The following SCMH1 variants were observed in gnomAD, a reference collection of about 807,000 sequenced individuals.
The protein encoded by SCMH1 is Scm polycomb group protein homolog 1.
In SCMH1, 37 loss-of-function variants were observed where a neutral mutation model predicts 70.8. That is an observed-to-expected ratio of 0.52 (90% confidence interval 0.40 to 0.69). The LOEUF (loss-of-function observed/expected upper bound fraction) is 0.69. SCMH1 is among the 30% of genes least tolerant of loss of function. SCMH1 has a pLI of 0.00. For missense variants in SCMH1, 607 were observed against 827.3 expected (o/e 0.73, Z 3.27); for synonymous variants, 292 against 307.4 (o/e 0.95, Z 0.52).
At chr1:41,205,908 C>T (rs1243963413) in intron 1 of SCMH1, among the ~76,000 whole-genome samples, 1 of 152,190 alleles carries the variant, frequency 6.6e-6, no homozygotes, top group African/African-American at 2.4e-5. Context: ...CAAACAAGGT[C>T]TGGAGTGGAC....
chr1:41,105,304 C>T (rs950734656), intron 8 of SCMH1, among the ~76,000 whole-genome samples: 4 of 151,886 alleles, frequency 2.6e-5, no homozygotes, highest in African/African-American at 7.3e-5. Flanking sequence ...GTCATAGATG[C>T]GAGTAGTATT....
chr1:41,196,351 T>C (rs1481900592), intron 1 of SCMH1, among the ~76,000 whole-genome samples: 5 of 152,194 alleles, frequency 3.3e-5, no homozygotes, highest in Admixed American at 1.3e-4. Flanking sequence ...TAGTACAGTA[T>C]TGGCATAAGG....
At chr1:41,046,278 G>T (rs1477255738) in intron 12 of SCMH1, 129 bp downstream of exon 12, 17 of 696,490 alleles carry the variant, frequency 2.4e-5, no homozygotes, top group Non-Finnish European at 3.9e-5. Context: ...CAAAGGTAAG[G>T]GACAGAAAAG....
rs533902055 is a variant in SCMH1, at chr1:41,136,081, C to T, written c.412+6797G>A. Among the ~76,000 whole-genome samples, 117 of 151,982 alleles carry T rather than the reference C, an allele frequency of 7.7e-4. 1 individual carries two copies. Among genetic ancestry groups the T allele is most frequent in the African/African-American group, 2.6e-3 (109 of 41,462 alleles). Reference sequence around the variant, plus strand: ...ACCTCAGCCTCCCAAGTAGCTGGGACTATGGGCGTGAGCCACCACGCCTGG... The same window carrying T: ...ACCTCAGCCTCCCAAGTAGCTGGGATTATGGGCGTGAGCCACCACGCCTGG... On this transcript the variant is annotated intron_variant, in intron 6 of 14. Transcript: ENST00000337495.
At chr1:41,130,406 T>C (rs1014068540) in intron 6 of SCMH1, among the ~76,000 whole-genome samples, 3 of 152,102 alleles carry the variant, frequency 2.0e-5, no homozygotes, top group Non-Finnish European at 4.4e-5. Flanking sequence ...TTTATGTATG[T>C]TTTTCTTTTG....
At chr1:41,157,098 T>C (rs2148392653) in intron 4 of SCMH1, among the ~76,000 whole-genome samples, 1 of 151,962 alleles carries the variant, frequency 6.6e-6, no homozygotes, top group South Asian at 2.1e-4. Context: ...GGACTACAGG[T>C]GTGCACCACT....
intron 9 of SCMH1, among the ~76,000 whole-genome samples, chr1:41,071,443 A>G (rs1218634613): frequency 6.6e-6 from 1 of 152,156 alleles, no homozygotes; most frequent in African/African-American, 2.4e-5. Context: ...CAGTATCCCT[A>G]TTCACCTGGA....
intron 2 of SCMH1, among the ~76,000 whole-genome samples, chr1:41,178,811 C>T (rs1278916294): frequency 2.6e-5 from 4 of 152,206 alleles, no homozygotes; most frequent in African/African-American, 9.6e-5. Flanking sequence ...CCACTGTCAA[C>T]ATTAGACAGA....
intron 8 of SCMH1, among the ~76,000 whole-genome samples, chr1:41,098,008 T>C (rs760841771): frequency 1.8e-4 from 28 of 152,346 alleles, no homozygotes; most frequent in African/African-American, 6.0e-4. Flanking sequence ...CTGGAATTAA[T>C]TGCCTCTCGA....
At chr1:41,128,230 C>T (rs1023393019) in intron 6 of SCMH1, among the ~76,000 whole-genome samples, 3 of 152,158 alleles carry the variant, frequency 2.0e-5, no homozygotes, top group African/African-American at 7.2e-5. Context: ...ATGTACACTA[C>T]AAATTTTATT....
intron 1 of SCMH1, among the ~76,000 whole-genome samples, chr1:41,198,482 A>T (rs1653557071): frequency 6.6e-6 from 1 of 152,246 alleles, no homozygotes; most frequent in Non-Finnish European, 1.5e-5. Flanking sequence ...TTAGCAGAAG[A>T]AGTAACTTCC....
chr1:41,043,610 T>G (rs1482661009), intron 12 of SCMH1: 1 of 149,734 alleles, frequency 6.7e-6, no homozygotes, highest in Non-Finnish European at 1.5e-5. Flanking sequence ...TTTTTTTGTA[T>G]TTTTAGTAGA....
chr1:41,135,746 T>C (rs966829442), intron 6 of SCMH1, among the ~76,000 whole-genome samples: 2 of 152,210 alleles, frequency 1.3e-5, no homozygotes, highest in Admixed American at 1.3e-4. Flanking sequence ...ACTTGCTGTA[T>C]GTGGCTGGTG....
chr1:41,043,053 T>G (rs1258798995), intron 12 of SCMH1: 1 of 152,160 alleles, frequency 6.6e-6, no homozygotes. Flanking sequence ...TAGGGGAAAT[T>G]CTAATATGAA....
intron 12 of SCMH1, among the ~76,000 whole-genome samples, chr1:41,042,867 A>G (rs1321739387): frequency 6.6e-6 from 1 of 152,168 alleles, no homozygotes; most frequent in South Asian, 2.1e-4. Context: ...AAGTAAAACA[A>G]CTGGCCTGGA....
chr1:41,057,116 G>T (rs1219605886), intron 10 of SCMH1, among the ~76,000 whole-genome samples: 1 of 152,166 alleles, frequency 6.6e-6, no homozygotes, highest in Non-Finnish European at 1.5e-5. Flanking sequence ...AGAGGTGGGG[G>T]CGGGGACCAG....
chr1:41,109,266 C>CAG (rs1668694258), intron 8 of SCMH1, among the ~76,000 whole-genome samples: 5 of 152,266 alleles, frequency 3.3e-5, no homozygotes, highest in Middle Eastern at 3.4e-3. Context: ...AAATGAAAAT[C>CAG]TGTGTGTAAA....
At chr1:41,037,236 A>T in intron 13 of SCMH1, 126 bp downstream of exon 13, 1 of 912,990 alleles carries the variant, frequency 1.1e-6, no homozygotes, top group Non-Finnish European at 1.6e-6. Context: ...GAGTAAGTCC[A>T]GTCCCTAGTC....
At chr1:41,047,795 T>C (rs1231968326) in intron 11 of SCMH1, among the ~76,000 whole-genome samples, 1 of 152,212 alleles carries the variant, frequency 6.6e-6, no homozygotes, top group Admixed American at 6.5e-5. Flanking sequence ...CCACTCTGTA[T>C]ACATTTCCCT....
Sources: allele counts gnomAD v4.1 joint callset (sites outside exome capture counted in the v4.1 genomes callset), GRCh38; gene constraint gnomAD v4.1.1; transcripts MANE v1.5; gene names NCBI Gene and HGNC (gene_info 2026-07-23, HGNC 2026-07-21).